Variants in DCTN1 observed in about 807,000 individuals in gnomAD.
DCTN1 encodes 150 kDa dynein-associated polypeptide.
Under a neutral mutation model 161.2 loss-of-function variants are expected in DCTN1, and 61 were observed. The observed-to-expected ratio is 0.38, with a 90% confidence interval of 0.31 to 0.47. The LOEUF (loss-of-function observed/expected upper bound fraction) is 0.47. DCTN1 is among the 20% of genes least tolerant of loss of function. DCTN1 has a pLI of 0.99. For missense variants in DCTN1, 1,404 were observed against 1,623.7 expected (o/e 0.86, Z 2.33); for synonymous variants, 653 against 632.4 (o/e 1.03, Z -0.49).
In DCTN1 at chr2:74,363,703, ACAC is replaced by A. The variant is rs1383002577; in HGVS notation, c.3197-78_3197-76del. The A allele has an allele frequency of 1.9e-6, 3 of 1,586,978 alleles. No homozygotes were observed. The African/African-American group carries it at 4.0e-5, about 21-fold the overall frequency. ...TAGGTGATTTGGGGGTTACGGGGAC[ACAC>A]CAGAGGAATCCTGGACACAACCTGC... On this transcript the variant is annotated intron_variant, in intron 26 of 31. Transcript: ENST00000628224.
chr2:74,361,247 C>A lies in DCTN1; in HGVS notation c.*252G>T, dbSNP rs748010130. On this transcript the variant is annotated 3_prime_UTR_variant, in exon 32 of 32. Transcript: ENST00000628224. ...GGTGGTGGGGTCTCAGCCTACCCCCCACAAGCCCTGAGGCCCCTCAGGAAG... is the reference window on the plus strand; with the variant it reads ...GGTGGTGGGGTCTCAGCCTACCCCCAACAAGCCCTGAGGCCCCTCAGGAAG... The A allele has an allele frequency of 3.4e-5, 22 of 643,056 alleles. No individual in the cohort carries two copies. The East Asian group carries it at 3.5e-4, about 10-fold the overall frequency. 39.8% of individuals were successfully genotyped at this position (643,056 alleles called of 1,614,324 possible).
rs1675243513 is a variant in DCTN1 at position 74,376,670 on chromosome 2, G to A, written c.414+72C>T. ...ACACACACATGCATGCAGCAGCCCA[G>A]GGACATGCAGGACAGCTGGGGAAGG... On this transcript the variant is annotated intron_variant, in intron 5 of 31. Coordinates refer to ENST00000628224, the MANE Select transcript of DCTN1 (RefSeq NM_004082.5). 12 of 1,430,888 alleles carry A rather than the reference G, an allele frequency of 8.4e-6. No homozygotes were observed. The East Asian group carries it at 9.5e-5, about 11-fold the overall frequency. 88.6% of individuals were successfully genotyped at this position (1,430,888 alleles called of 1,614,324 possible). A position where few individuals can be genotyped will look rare whatever the true frequency, so the allele number is the denominator to read the frequency against.
rs1675448504 is a variant in DCTN1, at chr2:74,380,167, C to CCCAGT, written c.-135_-131dup. On this transcript the variant is annotated 5_prime_UTR_variant, in exon 1 of 32. It introduces an in-frame stop codon into an upstream open reading frame of the 5' UTR. Transcript: ENST00000628224. ...ACAGGAGTCGTCAGGCACAGCCCTC[C>CCCAGT]CCAGTCCATGGGCCTCACTCGGTGG... The CCCAGT allele has an allele frequency of 1.0e-6, 1 of 981,238 alleles. No homozygotes were observed. The highest frequency in any genetic ancestry group is 2.5e-5 in the East Asian group (1 of 39,556). 60.8% of individuals were successfully genotyped at this position (981,238 alleles called of 1,614,324 possible).
chr2:74,384,930 GT>G (rs1675664227), upstream of DCTN1: 1 of 152,350 alleles, frequency 6.6e-6, no homozygotes, highest in Admixed American at 6.5e-5. Flanking sequence ...AAAGGAAAAG[GT>G]CTGCTTACTG....
chr2:74,375,135 GCA>G (rs1675150804), intron 5 of DCTN1, among the ~76,000 whole-genome samples: 1 of 152,182 alleles, frequency 6.6e-6, no homozygotes, highest in Non-Finnish European at 1.5e-5. Flanking sequence ...GCTCTGAGGA[GCA>G]CACACAGTGA....
At position 74,371,083 on chromosome 2, in the gene DCTN1, C is replaced by G; in HGVS notation, c.739G>C (p.Glu247Gln). 1.9e-6 allele frequency: 3 copies of G among 1,614,228 alleles called. No individual in the cohort carries two copies. Among genetic ancestry groups the G allele is most frequent in the Non-Finnish European group, 2.5e-6 (3 of 1,180,046 alleles). Residue 247 changes from glutamate to glutamine, a missense_variant, in exon 9 of 32, where the codon GAG becomes CAG. Transcript: ENST00000628224. ...AGCTGGATTTTGTGTTTCTCCAGCT[C>G]TTTTAGCTTTGCTTTGTCTTCTGCC... is the stretch of plus-strand genomic sequence containing the variant. ...KRAEDKAKLK[E>Q]LEKHKIQLEQ...
At position 74,369,311 on chromosome 2, in the gene DCTN1, C is replaced by A; in HGVS notation, c.1573G>T (p.Ala525Ser). The A allele has an allele frequency of 6.2e-7, 1 of 1,614,152 alleles. No homozygotes were observed. ...QTIKKYRQLT[A>S]HLQDVNRELT... is the part of the protein sequence containing the mutation. ...CAGTGGGCATGTACCTGTAGATGGGCGGTCAGCTGGCGGTACTTCTTGATG... is the reference window on the plus strand; with the variant it reads ...CAGTGGGCATGTACCTGTAGATGGGAGGTCAGCTGGCGGTACTTCTTGATG... Residue 525 changes from alanine (A) to serine (S), a missense_variant, in exon 14 of 32, where the codon GCC (alanine) becomes TCC (serine). Around this residue, in one of 9 missense-constraint regions of DCTN1, gnomAD observed 278 missense variants for 363.8 expected, o/e 0.76. Transcript: ENST00000628224. This position sits in a 1 kb window ranked among gnomAD's most constrained non-coding sequence, Gnocchi z 4.9.
Position 74,370,763 on chromosome 2 carries a change from A to T in DCTN1, c.906T>A (p.Asp302Glu). The T allele has an allele frequency of 6.2e-7, 1 of 1,614,192 alleles. No individual in the cohort carries two copies. ...RYMEEMADTADAIEMATLDKE... is the reference protein window; with the variant it reads ...RYMEEMADTAEAIEMATLDKE... ...TGTCCAAAGTGGCCATCTCAATGGC[A>T]TCAGCAGTATCAGCCATCTCCTCCA... The change falls in exon 10 of 32, where the codon GAT becomes GAA. Residue 302 changes from aspartate to glutamate, a missense_variant. Physicochemically the swap from Asp to Glu is conservative, Grantham distance 45. Coordinates refer to ENST00000628224, the MANE Select transcript of DCTN1 (RefSeq NM_004082.5). This position sits in a 1 kb window ranked among gnomAD's most constrained non-coding sequence, Gnocchi z 4.4.
chr2:74,366,131 G>A, intron 23 of DCTN1, 113 bp from the exon 24 acceptor site: 1 of 1,609,404 alleles, frequency 6.2e-7, no homozygotes, highest in East Asian at 2.2e-5. Context: ...TAGGCAGGAT[G>A]GTGCTCTCCA....
At position 74,363,289 on chromosome 2, in the gene DCTN1, C is replaced by T. The variant is rs1362438607; in HGVS notation, c.3345+5G>A. ...CCATCCCAGTCCTCCCCGTGGCTCCCTCACCTTGAGGATGCTGTTCTCATG... is the reference window on the plus strand; with the variant it reads ...CCATCCCAGTCCTCCCCGTGGCTCCTTCACCTTGAGGATGCTGTTCTCATG... On this transcript the variant is annotated splice_donor_5th_base_variant and intron_variant, in intron 28 of 31. Transcript: ENST00000628224. The T allele has an allele frequency of 1.9e-6, 3 of 1,613,952 alleles. No individual in the cohort carries two copies. Among genetic ancestry groups the T allele is most frequent in the Non-Finnish European group, 2.5e-6 (3 of 1,180,000 alleles).
rs377530504 is a variant in DCTN1, at chr2:74,366,865, C to T, written c.2384G>A (p.Arg795His). Reference protein sequence around the residue: ...RDLETSCSDIRQFCKKIRRRM... With the variant: ...RDLETSCSDIHQFCKKIRRRM... ...CCTTCGGATCTTCTTGCAGAACTGGCGGATGTCACTGCATGAAGTTTCCAG... is the reference window on the plus strand; with the variant it reads ...CCTTCGGATCTTCTTGCAGAACTGGTGGATGTCACTGCATGAAGTTTCCAG... Residue 795 changes from arginine to histidine, a missense_variant, in exon 21 of 32, where the codon CGC becomes CAC. Physicochemically the swap from Arg to His is conservative, Grantham distance 29. Around this residue, in one of 9 missense-constraint regions of DCTN1, gnomAD observed 475 missense variants for 489.8 expected, o/e 0.97. Transcript: ENST00000628224. 23 of 1,614,096 alleles carry T rather than the reference C, an allele frequency of 1.4e-5. No individual in the cohort carries two copies. The highest frequency in any genetic ancestry group is 5.0e-5 in the Admixed American group (3 of 60,002).
At chr2:74,368,977 G>T in intron 15 of DCTN1, 97 bp from the exon 16 acceptor site, 1 of 1,572,902 alleles carries the variant, frequency 6.4e-7, no homozygotes, top group Non-Finnish European at 8.7e-7. Context: ...TCTAGGGCAA[G>T]CCCAGGCCAG....
chr2:74,371,928 CA>C, intron 7 of DCTN1, 200 bp from the exon 8 acceptor site: 2 of 583,546 alleles, frequency 3.4e-6, no homozygotes, highest in Non-Finnish European at 6.2e-6. Context: ...GAGATAGTGA[CA>C]AAGGACAGGG....
intron 17 of DCTN1, 30 bp from the exon 18 acceptor site, chr2:74,367,894 T>C: frequency 1.2e-6 from 2 of 1,614,216 alleles, no homozygotes; most frequent in Non-Finnish European, 1.7e-6. Context: ...ACTGTGAGGC[T>C]AGAGTCTGCC....
chr2:74,362,110 C>A lies in DCTN1; in HGVS notation c.3641G>T (p.Arg1214Leu). ...DEVLKETVSQ[R>L]PGATVPTDFA... ...GTCAGTGGGTACTGTGGCTCCAGGG[C>A]GCTGAGATACTGTCTCCTTGAGGAC... Residue 1214 changes from arginine (R) to leucine (L), a missense_variant, in exon 31 of 32, where the codon CGC (arginine) becomes CTC (leucine). This residue lies in a region of DCTN1 where 311 missense variants were observed against 298.9 expected (regional missense o/e 1.04). Transcript: ENST00000628224. 1.9e-6 allele frequency: 3 copies of A among 1,613,726 alleles called. No individual in the cohort carries two copies. The highest frequency in any genetic ancestry group is 2.5e-6 in the Non-Finnish European group (3 of 1,179,824).
chr2:74,377,454 G>A lies in DCTN1; in HGVS notation c.371C>T (p.Thr124Ile), dbSNP rs769430160. 13 of 1,613,314 alleles carry A rather than the reference G, an allele frequency of 8.1e-6. No individual in the cohort carries two copies. Among genetic ancestry groups the A allele is most frequent in the Middle Eastern group, 1.6e-4 (1 of 6,084 alleles). Residue 124 changes from threonine to isoleucine, a missense_variant, in exon 4 of 32, where the codon ACA becomes ATA. By Grantham distance (89) the Thr-to-Ile change is moderately conservative. Coordinates refer to ENST00000628224, the MANE Select transcript of DCTN1 (RefSeq NM_004082.5). ...CACCAGTTTGCTAGTCTTTGCAGTT[G>A]TATCAGTTCCCTCTGTAGAAAGCAA... Reference protein sequence around the residue: ...SKVLKREGTDTTAKTSKLRGL... With the variant: ...SKVLKREGTDITAKTSKLRGL...
In DCTN1 at chr2:74,369,993, C is replaced by A; in HGVS notation, c.1364G>T (p.Arg455Leu). 6.2e-7 allele frequency: 1 copy of A among 1,614,192 alleles called. No homozygotes were observed. The highest frequency in any genetic ancestry group is 1.1e-5 in the South Asian group (1 of 91,076). Reference protein sequence around the residue: ...DRNLNLEEKVRELRETVGDLE... With the variant: ...DRNLNLEEKVLELRETVGDLE... ...GTCTCCCACAGTCTCCCTCAACTCG[C>A]GCACTTTCTCTTCCAGATTCAGGTT... The change falls in exon 13 of 32, where the codon CGC (arginine) becomes CTC (leucine). Residue 455 changes from arginine to leucine, a missense_variant. Arg to Leu is a moderately radical substitution (Grantham distance 102). Coordinates refer to ENST00000628224, the MANE Select transcript of DCTN1 (RefSeq NM_004082.5). The surrounding 1 kb of genome is among the most constrained non-coding windows in gnomAD (Gnocchi z 4.9).
chr2:74,368,042 C>A lies in DCTN1; in HGVS notation c.1944G>T (p.Glu648Asp), dbSNP rs1674555206. 1.2e-6 allele frequency: 2 copies of A among 1,613,936 alleles called. No individual in the cohort carries two copies. Among genetic ancestry groups the A allele is most frequent in the Non-Finnish European group, 1.7e-6 (2 of 1,179,978 alleles). Residue 648 changes from glutamate to aspartate, a missense_variant, in exon 17 of 32, where the codon GAG becomes GAT. Physicochemically the swap from Glu to Asp is conservative, Grantham distance 45. Coordinates refer to ENST00000628224, the MANE Select transcript of DCTN1 (RefSeq NM_004082.5). The stretch of plus-strand genomic sequence containing the variant: ...CCAGTCCAGCAGCAAAGCTGAGTTG[C>A]TCCCCAGCAGCTCCTCGCAGCCCAG... Reference protein sequence around the residue: ...ERPGLRGAAGEQLSFAAGLVY... With the variant: ...ERPGLRGAAGDQLSFAAGLVY...
chr2:74,365,346 G>C, intron 25 of DCTN1, 105 bp from the exon 26 acceptor site: 1 of 1,558,830 alleles, frequency 6.4e-7, no homozygotes, highest in Non-Finnish European at 8.7e-7. Flanking sequence ...GAGAAGCCAG[G>C]GCAGAGCAGC....
Sources: allele counts gnomAD v4.1 joint callset (sites outside exome capture counted in the v4.1 genomes callset), GRCh38; gene constraint gnomAD v4.1.1; regional missense constraint gnomAD v4.1.1; non-coding constraint Gnocchi (gnomAD v3.1); transcripts MANE v1.5; gene names NCBI Gene and HGNC (gene_info 2026-07-23, HGNC 2026-07-21).